The following FBXL17 variants were observed in gnomAD, a reference collection of about 807,000 sequenced individuals.
The protein encoded by FBXL17 is F-box and leucine rich repeat protein 17.
A neutral mutation model predicts 66.2 loss-of-function variants in FBXL17; 22 were observed. That is an observed-to-expected ratio of 0.33 (90% confidence interval 0.24 to 0.47). The LOEUF (loss-of-function observed/expected upper bound fraction) is 0.47, where lower values mean the gene tolerates loss of function less well. FBXL17 is among the 20% of genes least tolerant of loss of function. The pLI is 1.00. For synonymous variants in FBXL17, 474 were observed against 400.5 expected (o/e 1.18, Z -2.19); for missense variants, 878 against 948.2 (o/e 0.93, Z 0.97).
intron 1 of FBXL17, among the ~76,000 whole-genome samples, chr5:108,377,006 A>G (rs73216353): frequency 0.015 from 2,325 of 152,226 alleles, 56 homozygotes; most frequent in African/African-American, 0.051. Context: ...GTGTGACTAC[A>G]TCTGTTCAGA....
At chr5:108,257,815 A>AT (rs575923762) in intron 4 of FBXL17, among the ~76,000 whole-genome samples, 2 of 152,130 alleles carry the variant, frequency 1.3e-5, no homozygotes, top group Non-Finnish European at 2.9e-5. Context: ...TTGTATTATA[A>AT]TTTTTTTGAA....
intron 5 of FBXL17, among the ~76,000 whole-genome samples, chr5:108,196,161 G>C (rs1029861081): frequency 1.3e-5 from 2 of 151,756 alleles, no homozygotes; most frequent in Non-Finnish European, 1.5e-5. Flanking sequence ...TTAATGTGCA[G>C]GCATACATCT....
chr5:108,103,831 A>G (rs946483610), intron 6 of FBXL17, among the ~76,000 whole-genome samples: 1 of 152,168 alleles, frequency 6.6e-6, no homozygotes, highest in Non-Finnish European at 1.5e-5. Flanking sequence ...TGACTTCTCA[A>G]AAAGTCTCCC....
At chr5:108,295,896 A>G (rs1758327431) in intron 4 of FBXL17, among the ~76,000 whole-genome samples, 1 of 150,990 alleles carries the variant, frequency 6.6e-6, no homozygotes, top group Non-Finnish European at 1.5e-5. Flanking sequence ...TGTAGCACAC[A>G]GTAGATAGCC....
At chr5:108,152,893 A>T (rs1017914262) in intron 6 of FBXL17, among the ~76,000 whole-genome samples, 1 of 152,316 alleles carries the variant, frequency 6.6e-6, no homozygotes, top group Non-Finnish European at 1.5e-5. Flanking sequence ...CACCACCCAA[A>T]TCTAGAATTG....
intron 6 of FBXL17, among the ~76,000 whole-genome samples, chr5:108,034,069 A>G (rs535506472): frequency 6.6e-6 from 1 of 152,288 alleles, no homozygotes; most frequent in South Asian, 2.1e-4. Flanking sequence ...AACATTTCAC[A>G]TGCTAGTTCT....
At chr5:107,971,508 T>G (rs1752372699) in intron 7 of FBXL17, among the ~76,000 whole-genome samples, 1 of 152,164 alleles carries the variant, frequency 6.6e-6, no homozygotes, top group Admixed American at 6.5e-5. Context: ...TCCCCATCCT[T>G]TAAAAATTGT....
chr5:108,203,463 A>C (rs1753984754), intron 5 of FBXL17, among the ~76,000 whole-genome samples: 1 of 152,190 alleles, frequency 6.6e-6, no homozygotes, highest in Non-Finnish European at 1.5e-5. Context: ...TATATTCTCA[A>C]CACTTGATTT....
chr5:107,945,044 G>A (rs1282654758), intron 7 of FBXL17, among the ~76,000 whole-genome samples: 7 of 145,118 alleles, frequency 4.8e-5, no homozygotes, highest in African/African-American at 1.4e-4. Context: ...CATCCAGACT[G>A]TCTAAGAATA....
At chr5:107,957,463 T>C (rs28457651) in intron 7 of FBXL17, among the ~76,000 whole-genome samples, 14,571 of 152,150 alleles carry the variant, frequency 0.096, 735 homozygotes, top group South Asian at 0.13. Flanking sequence ...TAATTCTTAT[T>C]TAGAATACAC....
At chr5:108,188,210 A>C (rs1319011336) in intron 5 of FBXL17, among the ~76,000 whole-genome samples, 1 of 152,180 alleles carries the variant, frequency 6.6e-6, no homozygotes, top group East Asian at 1.9e-4. Context: ...ATACAGAGAG[A>C]GTTCATAGAG....
At chr5:107,917,267 T>C (rs1750163227) in intron 7 of FBXL17, among the ~76,000 whole-genome samples, 1 of 152,216 alleles carries the variant, frequency 6.6e-6, no homozygotes, top group Admixed American at 6.5e-5. Flanking sequence ...GGGTTTAAAA[T>C]GATCTTGTGA....
rs556483630 is a variant in FBXL17 at position 108,097,581 on chromosome 5, G to C, written c.1746-76580C>G. Among the ~76,000 whole-genome samples, 5 of 152,154 alleles carry C rather than the reference G, an allele frequency of 3.3e-5. No individual in the cohort carries two copies. In the South Asian group the frequency reaches 1.0e-3, roughly 32 times the overall value. ...GGGGGTGGGCAGATCACGAGGTAAG[G>C]AGTTCGAGACCAGCCTGACCAACAT... is the stretch of plus-strand genomic sequence containing the variant. On this transcript the variant is annotated intron_variant, in intron 6 of 8. Transcript: ENST00000542267.
chr5:108,159,245 T>G (rs1001712853), intron 6 of FBXL17, among the ~76,000 whole-genome samples: 2 of 152,178 alleles, frequency 1.3e-5, no homozygotes, highest in African/African-American at 4.8e-5. Context: ...TTTTCTTACT[T>G]CAAAACACGA....
chr5:107,865,799 C>G (rs1357494344), intron 8 of FBXL17, among the ~76,000 whole-genome samples: 2 of 152,152 alleles, frequency 1.3e-5, no homozygotes, highest in African/African-American at 2.4e-5. Flanking sequence ...TATAATCTCT[C>G]CTGGCAATAG....
At chr5:108,378,544 TA>T (rs1159748147) in intron 1 of FBXL17, among the ~76,000 whole-genome samples, 1 of 152,174 alleles carries the variant, frequency 6.6e-6, no homozygotes, top group Non-Finnish European at 1.5e-5. Flanking sequence ...CATAGCTCCA[TA>T]AGTCTTCCCT....
intron 8 of FBXL17, among the ~76,000 whole-genome samples, chr5:107,872,300 C>T (rs746790914): frequency 1.3e-5 from 2 of 152,130 alleles, no homozygotes; most frequent in Non-Finnish European, 2.9e-5. Context: ...TTGCAGCTGC[C>T]GTCACAACCC....
At chr5:108,331,823 C>T (rs540150252) in intron 4 of FBXL17, among the ~76,000 whole-genome samples, 31 of 151,782 alleles carry the variant, frequency 2.0e-4, no homozygotes, top group African/African-American at 7.5e-4. Flanking sequence ...CAAATCAAAA[C>T]TGAAAAAAAA....
intron 4 of FBXL17, chr5:108,299,799 G>T (rs1758505030): frequency 1.0e-6 from 1 of 984,746 alleles, no homozygotes; most frequent in Non-Finnish European, 1.2e-6. Flanking sequence ...GAACTAAATA[G>T]CGTGGACACA....
Sources: allele counts gnomAD v4.1 joint callset (sites outside exome capture counted in the v4.1 genomes callset), GRCh38; gene constraint gnomAD v4.1.1; transcripts MANE v1.5; gene names NCBI Gene and HGNC (gene_info 2026-07-23, HGNC 2026-07-21).